Variants in PAPSS2 observed in about 807,000 individuals in gnomAD.
PAPSS2 encodes 3'-phosphoadenosine 5'-phosphosulfate synthase 2, also known as bifunctional 3'-phosphoadenosine 5'-phosphosulfate synthase 2.
Under a neutral mutation model 66.5 loss-of-function variants are expected in PAPSS2, and 61 were observed. The observed-to-expected ratio is 0.92, with a 90% confidence interval of 0.75 to 1.14. The LOEUF is 1.14. Among genes scored for constraint, PAPSS2 ranks in the 50% most tolerant of loss-of-function variants. PAPSS2 has a pLI of 0.00. For missense variants in PAPSS2, 708 were observed against 789.6 expected (o/e 0.90, Z 1.24); for synonymous variants, 289 against 287.5 (o/e 1.01, Z -0.05).
Position 87,717,379 on chromosome 10 carries a change from T to C in PAPSS2, c.865+1536T>C, listed in dbSNP as rs563970967. ...CTCATAAAGAAAAATACTAGGGTGG[T>C]GGAAGTGGTTGCAGAGGTCAGTGTT... On this transcript the variant is annotated intron_variant, in intron 7 of 12. Coordinates refer to ENST00000456849, the MANE Select transcript of PAPSS2 (RefSeq NM_001015880.2). Among the ~76,000 whole-genome samples, 3 of 152,140 alleles carry C rather than the reference T, an allele frequency of 2.0e-5. No homozygotes were observed. The South Asian group carries it at 6.2e-4, about 32-fold the overall frequency.
chr10:87,745,810 C>G, intron 12 of PAPSS2, 22 bp from the exon 13 acceptor site: 1 of 1,613,778 alleles, frequency 6.2e-7, no homozygotes. Flanking sequence ...ACACTGAGTT[C>G]TTTGTTGCCA....
intron 7 of PAPSS2, among the ~76,000 whole-genome samples, chr10:87,717,459 A>G (rs1285489515): frequency 6.6e-6 from 1 of 152,242 alleles, no homozygotes; most frequent in Admixed American, 6.5e-5. Context: ...TGGGCTAACA[A>G]AAAATCTTAG....
intron 8 of PAPSS2, 35 bp downstream of exon 8, chr10:87,721,805 T>G (rs530062406): frequency 8.6e-7 from 1 of 1,162,754 alleles, no homozygotes; most frequent in African/African-American, 1.6e-5. Context: ...GCTAAATTAT[T>G]ATAATTATAT....
chr10:87,697,595 A>G (rs1361172846), intron 1 of PAPSS2, among the ~76,000 whole-genome samples: 1 of 152,232 alleles, frequency 6.6e-6, no homozygotes, highest in African/African-American at 2.4e-5. Context: ...CAATTTCACT[A>G]AGAGGCGGCA....
At chr10:87,721,376 G>C (rs1297175050) in intron 7 of PAPSS2, among the ~76,000 whole-genome samples, 1 of 152,140 alleles carries the variant, frequency 6.6e-6, no homozygotes, top group Non-Finnish European at 1.5e-5. Flanking sequence ...CTATTCTACA[G>C]TGGTTGTGAG....
chr10:87,714,241 A>G (rs1853504176), intron 4 of PAPSS2, 59 bp downstream of exon 4: 5 of 1,571,646 alleles, frequency 3.2e-6, no homozygotes, highest in Non-Finnish European at 4.4e-6. Flanking sequence ...CTCAGTCCTT[A>G]TTCTGTCCTC....
chr10:87,689,173 C>A (rs1853131473), intron 1 of PAPSS2, among the ~76,000 whole-genome samples: 1 of 151,102 alleles, frequency 6.6e-6, no homozygotes, highest in Non-Finnish European at 1.5e-5. Flanking sequence ...AAACCCCGTC[C>A]CCACTAAAAA....
At chr10:87,665,699 T>G (rs1371035963) in intron 1 of PAPSS2, among the ~76,000 whole-genome samples, 1 of 152,200 alleles carries the variant, frequency 6.6e-6, no homozygotes, top group African/African-American at 2.4e-5. Flanking sequence ...ACCCTTATTT[T>G]TAGAGTGTAG....
intron 5 of PAPSS2, 30 bp from the exon 6 acceptor site, chr10:87,714,955 C>T (rs763311504): frequency 1.3e-6 from 2 of 1,482,648 alleles, no homozygotes; most frequent in East Asian, 4.5e-5. Context: ...TTACAGTTTT[C>T]AAGTTTTTAC....
At position 87,673,578 on chromosome 10, in the gene PAPSS2, A is replaced by ATGTGTGTGTGTG. The variant is rs35768490; in HGVS notation, c.27+13584_27+13595dup. Among the ~76,000 whole-genome samples, 1,442 of 148,168 alleles carry ATGTGTGTGTGTG rather than the reference A, an allele frequency of 9.7e-3. 25 individuals are homozygous for ATGTGTGTGTGTG. Among genetic ancestry groups the ATGTGTGTGTGTG allele is most frequent in the African/African-American group, 0.034 (1,363 of 40,436 alleles). ...TGTGTGTTTGTGTGTGTATGTATTC[A>ATGTGTGTGTGTG]TGTGTGTGTGTGTGTGTGTGTGTGT... On this transcript the variant is annotated intron_variant, in intron 1 of 12. Transcript: ENST00000456849.
chr10:87,727,455 G>C lies in PAPSS2; in HGVS notation c.1052G>C (p.Trp351Ser). ...HRKEERCSRV[W>S]GTTCTKHPHI... is the part of the protein sequence containing the mutation. ...AAAGAGGAACGCTGTTCCCGTGTTTGGGGGACAACATGTACAAAACACCCC... is the reference window on the plus strand; with the variant it reads ...AAAGAGGAACGCTGTTCCCGTGTTTCGGGGACAACATGTACAAAACACCCC... The change falls in exon 9 of 13, where the codon TGG (tryptophan) becomes TCG (serine). Residue 351 changes from tryptophan (W) to serine (S), a missense_variant. Transcript: ENST00000456849. 1.2e-6 allele frequency: 2 copies of C among 1,613,732 alleles called. No homozygotes were observed. Among genetic ancestry groups the C allele is most frequent in the Non-Finnish European group, 1.7e-6 (2 of 1,179,836 alleles).
intron 1 of PAPSS2, among the ~76,000 whole-genome samples, chr10:87,687,230 T>C (rs1853100008): frequency 6.6e-6 from 1 of 152,180 alleles, no homozygotes; most frequent in African/African-American, 2.4e-5. Flanking sequence ...CTTTGGCATA[T>C]AGTTGAGCTC....
chr10:87,713,674 T>G (rs1853496848), intron 3 of PAPSS2, among the ~76,000 whole-genome samples: 2 of 152,234 alleles, frequency 1.3e-5, no homozygotes, highest in South Asian at 4.1e-4. Context: ...GAGCAGTTCA[T>G]GGCCAAAGCT....
chr10:87,689,419 C>T (rs1018750394), intron 1 of PAPSS2, among the ~76,000 whole-genome samples: 4 of 151,526 alleles, frequency 2.6e-5, no homozygotes, highest in East Asian at 1.9e-4. Context: ...GCCTGTAATC[C>T]CAGCACTTTG....
chr10:87,704,034 GA>G (rs762409496), intron 1 of PAPSS2: 8 of 502,072 alleles, frequency 1.6e-5, no homozygotes, highest in African/African-American at 1.5e-4. Flanking sequence ...CTTTCAACAA[GA>G]AAAAGAAAAG....
intron 9 of PAPSS2, among the ~76,000 whole-genome samples, chr10:87,729,087 C>A (rs1353177808): frequency 6.6e-6 from 1 of 152,022 alleles, no homozygotes; most frequent in East Asian, 1.9e-4. Flanking sequence ...ATGGTTATGT[C>A]AGCTCAGATA....
At chr10:87,686,105 G>A (rs1412148419) in intron 1 of PAPSS2, among the ~76,000 whole-genome samples, 1 of 149,726 alleles carries the variant, frequency 6.7e-6, no homozygotes, top group African/African-American at 2.5e-5. Context: ...AAAATAAGAA[G>A]TGATTTTGGC....
intron 1 of PAPSS2, among the ~76,000 whole-genome samples, chr10:87,701,755 C>A (rs1853320402): frequency 6.6e-6 from 1 of 152,128 alleles, no homozygotes; most frequent in African/African-American, 2.4e-5. Flanking sequence ...TGGATGAGAT[C>A]ATTGTCCAGA....
At chr10:87,701,323 CCTTCCTTT>C (rs1279437287) in intron 1 of PAPSS2, among the ~76,000 whole-genome samples, 2,231 of 83,180 alleles carry the variant, frequency 0.027, 21 homozygotes, top group East Asian at 0.044. Context: ...TTCCTTCCTT[CCTTCCTTT>C]CTTTCTTTCT....
Sources: gnomAD v4.1 joint callset for allele counts (sites outside exome capture counted in the v4.1 genomes callset) on GRCh38, gnomAD v4.1.1 for gene constraint, MANE v1.5 for transcripts, NCBI Gene and HGNC (gene_info 2026-07-23, HGNC 2026-07-21) for gene names.